VSIR: variants seen among roughly 807,000 people sequenced by gnomAD.
VSIR encodes V-type immunoglobulin domain-containing suppressor of T-cell activation.
A neutral mutation model predicts 31.0 loss-of-function variants in VSIR; 10 were observed. The ratio of observed to expected loss-of-function variants is 0.32; its 90% CI spans 0.20 to 0.55. The LOEUF is 0.55. VSIR is among the 20% of genes least tolerant of loss of function. VSIR has a pLI of 0.93. For missense variants in VSIR, 356 were observed against 416.2 expected, an observed-to-expected ratio of 0.86 and a Z score of 1.26; for synonymous variants, 179 against 180.1, an observed-to-expected ratio of 0.99 and a Z score of 0.05.
intron 1 of VSIR, among the ~76,000 whole-genome samples, chr10:71,764,983 C>T (rs1028141074): frequency 1.3e-5 from 2 of 152,208 alleles, no homozygotes; most frequent in Non-Finnish European, 2.9e-5. Context: ...TGGTTTTGTC[C>T]GTGCTGGCCT....
At chr10:71,756,929 C>T (rs1224393924) in intron 3 of VSIR, among the ~76,000 whole-genome samples, 1 of 152,200 alleles carries the variant, frequency 6.6e-6, no homozygotes, top group African/African-American at 2.4e-5. Context: ...CAAATGAGAA[C>T]AAACTGTTTT....
In VSIR at chr10:71,766,461, T is replaced by C. The variant is rs546629228; in HGVS notation, c.83-4435A>G. On this transcript the variant is annotated intron_variant, in intron 1 of 6. Transcript: ENST00000394957. ...TGAGTCTCAGGAGTAAAACTCTCGCTTGGATTGCAACGTCCTGGGGCCTCA... is the reference window on the plus strand; with the variant it reads ...TGAGTCTCAGGAGTAAAACTCTCGCCTGGATTGCAACGTCCTGGGGCCTCA... 1.3e-5 allele frequency among the ~76,000 whole-genome samples: 2 copies of C among 152,286 alleles called. 1 individual carries two copies. Among genetic ancestry groups the C allele is most frequent in the South Asian group, 4.1e-4 (2 of 4,820 alleles).
chr10:71,771,725 G>A (rs1290044265), intron 1 of VSIR, among the ~76,000 whole-genome samples: 1 of 152,206 alleles, frequency 6.6e-6, no homozygotes, highest in Non-Finnish European at 1.5e-5. Flanking sequence ...TGTTTGAGTA[G>A]CCAAGACCTC....
rs1419843992 is a variant in VSIR at position 71,760,907 on chromosome 10, T to C, written c.529A>G (p.Asn177Asp). 6.2e-7 allele frequency: 1 copy of C among 1,613,702 alleles called. No individual in the cohort carries two copies. The highest frequency in any genetic ancestry group is 8.5e-7 in the Non-Finnish European group (1 of 1,179,766). ...QVQTGKDAPS[N>D]CVVYPSSSQD... ...GAGGAGGATGGGTACACCACACAGT[T>C]GGATGGTGCATCTTTGCCTGTGGGA... The change falls in exon 3 of 7, where the codon AAC becomes GAC. Residue 177 changes from asparagine to aspartate, a missense_variant. Physicochemically the swap from Asn to Asp is conservative, Grantham distance 23. Coordinates refer to ENST00000394957, the MANE Select transcript of VSIR (RefSeq NM_022153.2).
intron 1 of VSIR, among the ~76,000 whole-genome samples, chr10:71,763,033 G>A (rs1840435994): frequency 6.6e-6 from 1 of 152,198 alleles, no homozygotes; most frequent in Non-Finnish European, 1.5e-5. Context: ...CCTCCTCTGT[G>A]CAGTGAGAAA....
At chr10:71,758,848 G>A (rs1484632851) in intron 3 of VSIR, among the ~76,000 whole-genome samples, 5 of 152,148 alleles carry the variant, frequency 3.3e-5, no homozygotes, top group Non-Finnish European at 7.4e-5. Flanking sequence ...GCAACATAGC[G>A]AGAGTGCATC....
intron 2 of VSIR, 87 bp downstream of exon 2, chr10:71,761,511 C>T (rs1840383696): frequency 2.9e-6 from 4 of 1,398,114 alleles, no homozygotes; most frequent in Non-Finnish European, 3.8e-6. Context: ...GCCTCACACT[C>T]TGCCCAGCAC....
chr10:71,754,581 C>T (rs1022187165), intron 4 of VSIR, among the ~76,000 whole-genome samples: 8 of 152,166 alleles, frequency 5.3e-5, no homozygotes, highest in African/African-American at 1.9e-4. Context: ...GTCACCTGGC[C>T]AGGGTGGGAG....
rs137977284 is a variant in VSIR, at chr10:71,767,077, T to C, written c.83-5051A>G. Among the ~76,000 whole-genome samples the C allele has an allele frequency of 3.9e-3, 592 of 152,366 alleles. 13 individuals carry two copies. The highest frequency in any genetic ancestry group is 4.9e-3 in the Non-Finnish European group (335 of 68,042). On this transcript the variant is annotated intron_variant, in intron 1 of 6. Transcript: ENST00000394957. ...TCCATCAGGGGCATCTGCTCAGAAC[T>C]TGGGCCTGGACCTGTGCCTGAGATT...
intron 1 of VSIR, among the ~76,000 whole-genome samples, chr10:71,763,933 C>T (rs1840463326): frequency 6.6e-6 from 1 of 152,164 alleles, no homozygotes; most frequent in South Asian, 2.1e-4. Context: ...GGAGAGTCTC[C>T]AAAGGCACCA....
At chr10:71,768,017 G>A (rs1277129723) in intron 1 of VSIR, among the ~76,000 whole-genome samples, 1 of 152,212 alleles carries the variant, frequency 6.6e-6, no homozygotes, top group Non-Finnish European at 1.5e-5. Flanking sequence ...GGAGGACTGT[G>A]TGCAGCTCAG....
chr10:71,773,262 G>T, intron 1 of VSIR, 96 bp downstream of exon 1: 1 of 1,374,358 alleles, frequency 7.3e-7, no homozygotes, highest in Non-Finnish European at 1.0e-6. Flanking sequence ...CACACAGGCT[G>T]AGAGGGCCCC....
intron 4 of VSIR, chr10:71,753,744 A>T (rs1840064339): frequency 4.4e-6 from 2 of 456,138 alleles, no homozygotes; most frequent in Admixed American, 4.7e-5. Flanking sequence ...TTTTAAGGAG[A>T]TTTACTGCTG....
chr10:71,755,364 T>C lies in VSIR; in HGVS notation c.671A>G (p.Asn224Ser). The change falls in exon 4 of 7, where the codon AAC (asparagine) becomes AGC (serine). Residue 224 changes from asparagine to serine, a missense_variant. Transcript: ENST00000394957. ...AGGCAGGGAGGAATACTCACGGCGG[T>C]TGGAGGCTGCCTGCCTTTGCTTGTA... ...LVYKQRQAASNRRAQELVRMD... is the reference protein window; with the variant it reads ...LVYKQRQAASSRRAQELVRMD... 2 of 1,606,952 alleles carry C rather than the reference T, an allele frequency of 1.2e-6. No individual in the cohort carries two copies. The highest frequency in any genetic ancestry group is 1.7e-5 in the Admixed American group (1 of 59,778).
chr10:71,751,150 G>A lies in VSIR; in HGVS notation c.*103C>T, dbSNP rs1254156337. The A allele has an allele frequency of 8.1e-6, 11 of 1,358,932 alleles. No individual in the cohort carries two copies. The Admixed American group carries it at 2.5e-4, about 30-fold the overall frequency. The allele number at this position is 1,358,932 out of a possible 1,614,324, so 84.2% of individuals were successfully genotyped here. On this transcript the variant is annotated 3_prime_UTR_variant, in exon 7 of 7. Coordinates refer to ENST00000394957, the MANE Select transcript of VSIR (RefSeq NM_022153.2). The surrounding 1 kb of genome is among the most constrained non-coding windows in gnomAD (Gnocchi z 4.9). The stretch of plus-strand genomic sequence containing the variant: ...GTATCTGAGCCCAGAGCAGGAGGGA[G>A]GGAACCAGGGCCGAGGCCAAGGAGG...
In VSIR at chr10:71,760,139, ATATATATGTGTG is replaced by A. The variant is rs1840309178; in HGVS notation, c.568+717_568+728del. Among the ~76,000 whole-genome samples, 3 of 31,778 alleles carry A rather than the reference ATATATATGTGTG, an allele frequency of 9.4e-5. 1 individual carries two copies. Among genetic ancestry groups the A allele is most frequent in the Admixed American group, 6.8e-4 (3 of 4,412 alleles). The allele number at this position is 31,778 out of a possible 152,430, so 20.8% of individuals were successfully genotyped here. On this transcript the variant is annotated intron_variant, in intron 3 of 6. Transcript: ENST00000394957. The stretch of plus-strand genomic sequence containing the variant: ...TATGTGTGTATATATATGTATATAC[ATATATATGTGTG>A]TATATATATGTATATACATATATAT...
At chr10:71,766,811 T>A (rs2132901639) in intron 1 of VSIR, among the ~76,000 whole-genome samples, 1 of 152,248 alleles carries the variant, frequency 6.6e-6, no homozygotes, top group East Asian at 1.9e-4. Context: ...AGGCCAGCAC[T>A]GCAGACAGGA....
chr10:71,765,541 A>C (rs534668929), intron 1 of VSIR, among the ~76,000 whole-genome samples: 1 of 152,314 alleles, frequency 6.6e-6, no homozygotes, highest in African/African-American at 2.4e-5. Context: ...GGGAGCCCTC[A>C]GGGTCTAAGC....
intron 1 of VSIR, among the ~76,000 whole-genome samples, 199 bp downstream of exon 1, chr10:71,773,159 G>A (rs985011607): frequency 6.6e-6 from 1 of 152,320 alleles, no homozygotes; most frequent in African/African-American, 2.4e-5. Context: ...AGATGTGCCC[G>A]ATGCCTAGCT....
Sources: allele counts gnomAD v4.1 joint callset (sites outside exome capture counted in the v4.1 genomes callset), GRCh38; gene constraint gnomAD v4.1.1; non-coding constraint Gnocchi (gnomAD v3.1); transcripts MANE v1.5; gene names NCBI Gene and HGNC (gene_info 2026-07-23, HGNC 2026-07-21).